The following ROBO1 variants were observed in gnomAD, a reference collection of about 807,000 sequenced individuals.
The protein encoded by ROBO1 is roundabout guidance receptor 1.
ROBO1 carries 149 observed loss-of-function variants against 195.9 expected under a neutral mutation model. The ratio of observed to expected loss-of-function variants is 0.76; its 90% CI spans 0.67 to 0.87. The LOEUF (loss-of-function observed/expected upper bound fraction) is 0.87. Ranked by LOEUF, ROBO1 falls within the 40% of genes least tolerant of loss-of-function variation. The pLI is 0.00. For synonymous variants in ROBO1, 816 were observed against 733.2 expected (o/e 1.11, Z -1.82); for missense variants, 1,933 against 2,068.3 (o/e 0.93, Z 1.27).
At chr3:78,738,543 A>G (rs1025648112) in intron 5 of ROBO1, among the ~76,000 whole-genome samples, 1 of 152,136 alleles carries the variant, frequency 6.6e-6, no homozygotes, top group Admixed American at 6.5e-5. Flanking sequence ...CTTACCTTAT[A>G]TAAATGTGAT....
At chr3:79,122,839 A>G (rs2080145121) in intron 3 of ROBO1, among the ~76,000 whole-genome samples, 1 of 151,970 alleles carries the variant, frequency 6.6e-6, no homozygotes, top group African/African-American at 2.4e-5. Flanking sequence ...AATGTTTTCC[A>G]GGACTATACA....
chr3:79,715,935 C>G (rs1702463944), intron 1 of ROBO1, among the ~76,000 whole-genome samples: 1 of 151,970 alleles, frequency 6.6e-6, no homozygotes, highest in East Asian at 1.9e-4. Flanking sequence ...GAAAATAACT[C>G]TAAAATATGT....
chr3:78,849,021 A>T (rs757982700), intron 4 of ROBO1, among the ~76,000 whole-genome samples: 1 of 152,110 alleles, frequency 6.6e-6, no homozygotes, highest in Non-Finnish European at 1.5e-5. Flanking sequence ...GATGGATTGG[A>T]TGGGGGGCAT....
chr3:79,253,716 T>C (rs1186786091), intron 2 of ROBO1, among the ~76,000 whole-genome samples: 1 of 152,158 alleles, frequency 6.6e-6, no homozygotes, highest in African/African-American at 2.4e-5. Flanking sequence ...TTCCTGCAAG[T>C]GCAAAAATCT....
intron 2 of ROBO1, among the ~76,000 whole-genome samples, chr3:79,153,700 C>T (rs1576745482): frequency 6.8e-6 from 1 of 147,256 alleles, no homozygotes; most frequent in African/African-American, 2.5e-5. Context: ...TTCTATAGCT[C>T]TTTATATATT....
At chr3:79,245,983 A>C (rs879505585) in intron 2 of ROBO1, among the ~76,000 whole-genome samples, 1 of 152,082 alleles carries the variant, frequency 6.6e-6, no homozygotes, top group African/African-American at 2.4e-5. Flanking sequence ...GTCCCAAGTC[A>C]AGTGTGACCC....
chr3:79,053,216 C>T (rs548037366), intron 3 of ROBO1, among the ~76,000 whole-genome samples: 22 of 151,910 alleles, frequency 1.4e-4, no homozygotes, highest in African/African-American at 3.9e-4. Context: ...CTGAATCTGA[C>T]GACCCTCCAC....
chr3:78,693,097 A>G, intron 8 of ROBO1: 2 of 413,736 alleles, frequency 4.8e-6, no homozygotes, highest in Non-Finnish European at 8.6e-6. Flanking sequence ...AAGAAATAAA[A>G]GGATGCAGAT....
chr3:78,724,165 G>GT (rs1321710524), intron 5 of ROBO1, among the ~76,000 whole-genome samples: 1 of 152,102 alleles, frequency 6.6e-6, no homozygotes, highest in Non-Finnish European at 1.5e-5. Context: ...AAACATGCCA[G>GT]TTTTCAATTT....
chr3:79,080,704 C>A (rs187874724), intron 3 of ROBO1, among the ~76,000 whole-genome samples: 6 of 152,074 alleles, frequency 3.9e-5, no homozygotes, highest in African/African-American at 1.4e-4. Flanking sequence ...AAGGTCATGG[C>A]CGCTCTAATT....
At position 79,070,921 on chromosome 3, in the gene ROBO1, G is replaced by T. The variant is rs1258896658; in HGVS notation, c.172+54535C>A. On this transcript the variant is annotated intron_variant, in intron 3 of 30. Transcript: ENST00000464233. ...TACTGACTTTTAAAATTTTTTATTAGTTATTTTTTAATTAAGGTATAGTTG... is the reference window on the plus strand; with the variant it reads ...TACTGACTTTTAAAATTTTTTATTATTTATTTTTTAATTAAGGTATAGTTG... 2.6e-5 allele frequency among the ~76,000 whole-genome samples: 4 copies of T among 151,346 alleles called. No individual in the cohort carries two copies. In the East Asian group the frequency reaches 7.9e-4, roughly 30 times the overall value.
At chr3:79,518,898 T>C (rs1306315286) in intron 2 of ROBO1, among the ~76,000 whole-genome samples, 1 of 151,706 alleles carries the variant, frequency 6.6e-6, no homozygotes, top group African/African-American at 2.4e-5. Flanking sequence ...CAAGCTGGTC[T>C]CGAACTACTG....
intron 28 of ROBO1, among the ~76,000 whole-genome samples, chr3:78,614,162 C>CA (rs1357750020): frequency 6.6e-6 from 1 of 152,110 alleles, no homozygotes; most frequent in Admixed American, 6.6e-5. Flanking sequence ...TATGTGAAGG[C>CA]ATGAAGAAAG....
At position 78,945,528 on chromosome 3, in the gene ROBO1, T is replaced by C. The variant is rs563038638; in HGVS notation, c.173-6601A>G. 8.6e-4 allele frequency among the ~76,000 whole-genome samples: 131 copies of C among 151,910 alleles called. 1 individual carries two copies. The highest frequency in any genetic ancestry group is 3.1e-3 in the African/African-American group (127 of 41,388). ...CCAAAAACCCATCTGTACCTCACCA[T>C]CATCAAAGACCAAAGGTAGATAAAA... On this transcript the variant is annotated intron_variant, in intron 3 of 30. Coordinates refer to ENST00000464233, the MANE Select transcript of ROBO1 (RefSeq NM_002941.4).
At chr3:79,728,764 A>C (rs1703029814) in intron 1 of ROBO1, among the ~76,000 whole-genome samples, 1 of 152,132 alleles carries the variant, frequency 6.6e-6, no homozygotes, top group African/African-American at 2.4e-5. Context: ...GTTAAAAATC[A>C]TGATTTTACT....
intron 1 of ROBO1, among the ~76,000 whole-genome samples, chr3:79,690,405 C>A (rs1279546962): frequency 6.6e-6 from 1 of 151,836 alleles, no homozygotes; most frequent in Admixed American, 6.6e-5. Flanking sequence ...CTCTGGAGGT[C>A]TTTGAACATA....
At chr3:79,604,092 C>A (rs1460068528) in intron 1 of ROBO1, among the ~76,000 whole-genome samples, 2 of 151,956 alleles carry the variant, frequency 1.3e-5, no homozygotes, top group East Asian at 3.9e-4. Context: ...CATTTGTTTA[C>A]CTTTCATTTA....
chr3:78,893,218 T>C (rs1412538821), intron 4 of ROBO1, among the ~76,000 whole-genome samples: 1 of 152,226 alleles, frequency 6.6e-6, no homozygotes, highest in Non-Finnish European at 1.5e-5. Flanking sequence ...AATGTGATAG[T>C]ATTAAGAAGC....
At position 78,661,100 on chromosome 3, in the gene ROBO1, C is replaced by T. The variant is rs953517187; in HGVS notation, c.2250G>A (p.Lys750=). 1.4e-5 allele frequency: 23 copies of T among 1,613,492 alleles called. No individual in the cohort carries two copies. The highest frequency in any genetic ancestry group is 1.9e-5 in the Non-Finnish European group (23 of 1,179,762). Residue 750 remains lysine, a synonymous_variant, in exon 16 of 31, where the codon AAG becomes AAA. Transcript: ENST00000464233. The part of the protein sequence containing the change: ...DLRKGVNYEI[K]ARPFFNEFQG... Reference sequence around the variant, plus strand: ...GAAATTCATTAAAAAAAGGGCGAGCCTTAATTTCATAGTTGACTCCCTTTC... The same window carrying T: ...GAAATTCATTAAAAAAAGGGCGAGCTTTAATTTCATAGTTGACTCCCTTTC...
Sources: gnomAD v4.1 joint callset for allele counts (sites outside exome capture counted in the v4.1 genomes callset) on GRCh38, gnomAD v4.1.1 for gene constraint, MANE v1.5 for transcripts, NCBI Gene and HGNC (gene_info 2026-07-23, HGNC 2026-07-21) for gene names.